GRIK2: variants seen among roughly 807,000 people sequenced by gnomAD.
The protein encoded by GRIK2 is glutamate receptor ionotropic, kainate 2.
A neutral mutation model predicts 100.3 loss-of-function variants in GRIK2; 32 were observed. The ratio of observed to expected loss-of-function variants is 0.32; its 90% CI spans 0.24 to 0.43. The LOEUF (loss-of-function observed/expected upper bound fraction) is 0.43, where lower values mean the gene tolerates loss of function less well. Ranked by LOEUF, GRIK2 falls within the 20% of genes least tolerant of loss-of-function variation. The pLI is 1.00. For synonymous variants in GRIK2, 417 were observed against 389.4 expected, an observed-to-expected ratio of 1.07 and a Z score of -0.83; for missense variants, 843 against 1,114.9, an observed-to-expected ratio of 0.76 and a Z score of 3.47.
intron 7 of GRIK2, among the ~76,000 whole-genome samples, chr6:101,742,343 G>A (rs1381272982): frequency 6.6e-6 from 1 of 151,996 alleles, no homozygotes; most frequent in Non-Finnish European, 1.5e-5. Flanking sequence ...GATATTTGTG[G>A]GATAAAGAAT....
intron 2 of GRIK2, among the ~76,000 whole-genome samples, chr6:101,451,703 G>GC (rs1253489844): frequency 2.9e-5 from 4 of 138,372 alleles, no homozygotes; most frequent in Non-Finnish European, 6.4e-5. Context: ...TGAGGGGGGG[G>GC]GGGGTGCCAA....
At chr6:102,028,305 T>C (rs967137060) in intron 14 of GRIK2, among the ~76,000 whole-genome samples, 1 of 151,240 alleles carries the variant, frequency 6.6e-6, no homozygotes, top group Non-Finnish European at 1.5e-5. Context: ...ATTTTGTTGA[T>C]GTTTCACAAT....
At chr6:101,638,971 A>G (rs531336386) in intron 4 of GRIK2, among the ~76,000 whole-genome samples, 1 of 152,258 alleles carries the variant, frequency 6.6e-6, no homozygotes, top group African/African-American at 2.4e-5. Flanking sequence ...TGAGCAACAA[A>G]GTCAGATTCT....
intron 2 of GRIK2, among the ~76,000 whole-genome samples, chr6:101,450,268 TAGAC>T (rs1269884113): frequency 4.0e-5 from 6 of 151,694 alleles, no homozygotes; most frequent in Non-Finnish European, 1.5e-5. Context: ...GATTTAATAA[TAGAC>T]AGTGACTATA....
At chr6:101,413,841 C>G (rs1049639392) in intron 2 of GRIK2, among the ~76,000 whole-genome samples, 2 of 117,528 alleles carry the variant, frequency 1.7e-5, no homozygotes, top group African/African-American at 5.9e-5. Context: ...ATTTTCAAGT[C>G]TTTATTTATA....
intron 14 of GRIK2, among the ~76,000 whole-genome samples, chr6:101,947,726 C>T (rs2128477877): frequency 6.6e-6 from 1 of 152,274 alleles, no homozygotes; most frequent in East Asian, 1.9e-4. Flanking sequence ...ATTAATTAGA[C>T]ATGAGAGGTC....
At chr6:102,029,897 C>A (rs938402579) in intron 14 of GRIK2, among the ~76,000 whole-genome samples, 1 of 151,098 alleles carries the variant, frequency 6.6e-6, no homozygotes, top group Admixed American at 6.6e-5. Flanking sequence ...TCAATTCCTG[C>A]GTCTTTCCTG....
chr6:101,722,317 C>CA (rs953467552), intron 7 of GRIK2, among the ~76,000 whole-genome samples: 1 of 151,886 alleles, frequency 6.6e-6, no homozygotes. Flanking sequence ...CAAACAACAA[C>CA]AAAAAAATTT....
chr6:101,609,482 G>T (rs1043934677), intron 2 of GRIK2, among the ~76,000 whole-genome samples: 1 of 151,738 alleles, frequency 6.6e-6, no homozygotes, highest in African/African-American at 2.4e-5. Context: ...AAATACCTGA[G>T]GCTTTCTGGA....
intron 7 of GRIK2, among the ~76,000 whole-genome samples, chr6:101,700,831 GT>G (rs569745226): frequency 1.1e-3 from 174 of 152,234 alleles, no homozygotes; most frequent in African/African-American, 3.5e-3. Context: ...TCAAGCCTGA[GT>G]TAATAAGGAC....
At chr6:101,973,793 A>G (rs1026777460) in intron 14 of GRIK2, among the ~76,000 whole-genome samples, 11 of 151,912 alleles carry the variant, frequency 7.2e-5, no homozygotes, top group African/African-American at 2.2e-4. Flanking sequence ...AGTACGAACT[A>G]AAAGCATTAT....
intron 2 of GRIK2, among the ~76,000 whole-genome samples, chr6:101,412,138 G>GATT (rs2128238191): frequency 6.6e-6 from 1 of 152,040 alleles, no homozygotes; most frequent in East Asian, 1.9e-4. Context: ...CTAATGCTCT[G>GATT]ATTATACTCT....
rs1232075121 is a variant in GRIK2, at chr6:101,460,770, A to C, written c.115+61378A>C. On this transcript the variant is annotated intron_variant, in intron 2 of 16. Transcript: ENST00000369134. ...GCAAGAATTAAACATGGGCTCTCTAACATCAAATTTTGTGTCCTTAGAAGC... is the reference window on the plus strand; with the variant it reads ...GCAAGAATTAAACATGGGCTCTCTACCATCAAATTTTGTGTCCTTAGAAGC... 2.0e-5 allele frequency among the ~76,000 whole-genome samples: 3 copies of C among 152,212 alleles called. No homozygotes were observed. The East Asian group carries it at 5.8e-4, about 29-fold the overall frequency.
At chr6:101,721,252 A>C (rs936081702) in intron 7 of GRIK2, among the ~76,000 whole-genome samples, 2 of 152,016 alleles carry the variant, frequency 1.3e-5, no homozygotes, top group African/African-American at 4.8e-5. Context: ...ATAGCATGCA[A>C]GTAAACTATA....
intron 7 of GRIK2, among the ~76,000 whole-genome samples, chr6:101,797,432 C>A (rs1780377971): frequency 6.6e-6 from 1 of 151,296 alleles, no homozygotes. Flanking sequence ...CTTTTCCCAA[C>A]CTTGGTTTTG....
At chr6:101,626,917 A>T (rs1780466699) in intron 4 of GRIK2, among the ~76,000 whole-genome samples, 1 of 152,018 alleles carries the variant, frequency 6.6e-6, no homozygotes. Flanking sequence ...AGATGTAGTA[A>T]ACAATATTAT....
intron 2 of GRIK2, among the ~76,000 whole-genome samples, chr6:101,473,212 AT>A (rs71695771): frequency 0.25 from 31,835 of 125,682 alleles, 4,059 homozygotes; most frequent in East Asian, 0.34. Context: ...TTCCTTGTTT[AT>A]TTTTTTAAAG....
At chr6:101,830,199 G>A (rs1348025598) in intron 10 of GRIK2, among the ~76,000 whole-genome samples, 1 of 151,968 alleles carries the variant, frequency 6.6e-6, no homozygotes, top group Admixed American at 6.6e-5. Flanking sequence ...TCAATGAATG[G>A]TTCTGGGAAA....
chr6:101,592,355 C>T (rs887363092), intron 2 of GRIK2, among the ~76,000 whole-genome samples: 1 of 151,606 alleles, frequency 6.6e-6, no homozygotes, highest in Non-Finnish European at 1.5e-5. Flanking sequence ...GTGATGACCC[C>T]TTCACAGTTG....
Sources: gnomAD v4.1 joint callset for allele counts (sites outside exome capture counted in the v4.1 genomes callset) on GRCh38, gnomAD v4.1.1 for gene constraint, MANE v1.5 for transcripts, NCBI Gene and HGNC (gene_info 2026-07-23, HGNC 2026-07-21) for gene names.